The following LRRC4C variants were observed in gnomAD, a reference collection of about 807,000 sequenced individuals.
LRRC4C encodes the protein leucine-rich repeat-containing protein 4C.
In LRRC4C, 5 loss-of-function variants were observed where a neutral mutation model predicts 33.6. The observed-to-expected ratio is 0.15, with a 90% CI of 0.08 to 0.31. The LOEUF is 0.31. Ranked by LOEUF, LRRC4C falls within the 10% of genes least tolerant of loss-of-function variation. The pLI, the probability that LRRC4C is intolerant of heterozygous loss-of-function variation, is 1.00. For synonymous variants in LRRC4C, 329 were observed against 302.0 expected, an observed-to-expected ratio of 1.09 and a Z score of -0.93; for missense variants, 560 against 796.7, an observed-to-expected ratio of 0.70 and a Z score of 3.58.
intron 2 of LRRC4C, among the ~76,000 whole-genome samples, chr11:40,859,657 T>C (rs1165630427): frequency 6.6e-6 from 1 of 152,172 alleles, no homozygotes; most frequent in Non-Finnish European, 1.5e-5. Flanking sequence ...CTCAAATGTT[T>C]CTAGCAGAAT....
intron 1 of LRRC4C, among the ~76,000 whole-genome samples, chr11:41,247,661 T>C (rs1171911561): frequency 6.6e-6 from 1 of 152,194 alleles, no homozygotes; most frequent in Non-Finnish European, 1.5e-5. Context: ...CACCATTATG[T>C]TCACTTTTTA....
chr11:41,261,700 T>C (rs953385011), intron 1 of LRRC4C, among the ~76,000 whole-genome samples: 1 of 152,160 alleles, frequency 6.6e-6, no homozygotes. Context: ...GCAGAGAGAT[T>C]AGACATCTTG....
intron 3 of LRRC4C, among the ~76,000 whole-genome samples, chr11:40,448,126 C>T (rs1345104562): frequency 6.6e-6 from 1 of 152,170 alleles, no homozygotes; most frequent in African/African-American, 2.4e-5. Flanking sequence ...ATTCTGGATG[C>T]TCCTGCTAAG....
intron 1 of LRRC4C, among the ~76,000 whole-genome samples, chr11:41,112,721 A>G (rs1484075283): frequency 1.3e-5 from 2 of 152,110 alleles, no homozygotes; most frequent in African/African-American, 4.8e-5. Context: ...TTATTCAAGG[A>G]TTATACCTAA....
intron 3 of LRRC4C, among the ~76,000 whole-genome samples, chr11:40,414,992 A>G (rs1950274365): frequency 6.6e-6 from 1 of 152,192 alleles, no homozygotes; most frequent in Non-Finnish European, 1.5e-5. Flanking sequence ...CATGAATTTC[A>G]AGACACTTTT....
chr11:40,964,903 G>A (rs1184661428), intron 1 of LRRC4C, among the ~76,000 whole-genome samples: 2 of 152,092 alleles, frequency 1.3e-5, no homozygotes, highest in Non-Finnish European at 2.9e-5. Flanking sequence ...GGATGGCTGG[G>A]TCAAATGGTA....
chr11:40,733,194 GCCTCCC>G (rs1947692235), intron 2 of LRRC4C, among the ~76,000 whole-genome samples: 4 of 137,154 alleles, frequency 2.9e-5, no homozygotes, highest in Admixed American at 1.7e-4. Context: ...TCCTGCCTCA[GCCTCCC>G]GAGTAGCTGG....
intron 2 of LRRC4C, among the ~76,000 whole-genome samples, chr11:40,651,333 C>T (rs540435231): frequency 2.7e-5 from 4 of 145,876 alleles, no homozygotes; most frequent in Non-Finnish European, 4.5e-5. Context: ...CATAGTAGAA[C>T]TAATTAAAAA....
At chr11:40,700,077 G>A (rs1032861893) in intron 2 of LRRC4C, among the ~76,000 whole-genome samples, 1 of 152,044 alleles carries the variant, frequency 6.6e-6, no homozygotes, top group African/African-American at 2.4e-5. Context: ...TTAAGGGGAG[G>A]GGGACTTTTG....
intron 2 of LRRC4C, among the ~76,000 whole-genome samples, chr11:40,886,346 G>A (rs1260973679): frequency 6.6e-6 from 1 of 150,704 alleles, no homozygotes; most frequent in African/African-American, 2.4e-5. Context: ...GCCAGTAGGA[G>A]TTATTTTCAA....
chr11:40,696,085 A>G (rs866593721), intron 2 of LRRC4C, among the ~76,000 whole-genome samples: 1 of 111,030 alleles, frequency 9.0e-6, no homozygotes, highest in South Asian at 3.0e-4. Flanking sequence ...ATATATATAT[A>G]TGAGTGTGTG....
chr11:41,346,982 A>G (rs1468679523), intron 1 of LRRC4C, among the ~76,000 whole-genome samples: 2 of 152,230 alleles, frequency 1.3e-5, no homozygotes, highest in Non-Finnish European at 2.9e-5. Flanking sequence ...AATGCAGATG[A>G]TTCTATTCTT....
At chr11:40,285,879 T>G (rs1943800688) in intron 4 of LRRC4C, among the ~76,000 whole-genome samples, 1 of 152,148 alleles carries the variant, frequency 6.6e-6, no homozygotes, top group Non-Finnish European at 1.5e-5. Flanking sequence ...AGATACGCAG[T>G]TCCTATTCCC....
chr11:40,448,395 C>G (rs1565398562), intron 3 of LRRC4C, among the ~76,000 whole-genome samples: 2 of 152,030 alleles, frequency 1.3e-5, no homozygotes, highest in Admixed American at 6.5e-5. Flanking sequence ...ATGCTACCCT[C>G]CCCTAGCTCC....
chr11:41,017,705 G>T (rs867316899), intron 1 of LRRC4C, among the ~76,000 whole-genome samples: 1 of 151,244 alleles, frequency 6.6e-6, no homozygotes, highest in African/African-American at 2.4e-5. Context: ...GGAAAGAAAA[G>T]CTGGGAGACA....
At chr11:40,150,925 T>G (rs1352362666) in intron 5 of LRRC4C, among the ~76,000 whole-genome samples, 1 of 151,726 alleles carries the variant, frequency 6.6e-6, no homozygotes, top group Non-Finnish European at 1.5e-5. Flanking sequence ...CATATGGGGG[T>G]GGTGGTGAGA....
intron 5 of LRRC4C, among the ~76,000 whole-genome samples, chr11:40,178,753 G>A (rs1025221303): frequency 6.6e-6 from 1 of 152,166 alleles, no homozygotes; most frequent in Non-Finnish European, 1.5e-5. Context: ...ATATTCCTCT[G>A]GTTTCCTCGC....
At chr11:41,069,186 A>G (rs187503031) in intron 1 of LRRC4C, among the ~76,000 whole-genome samples, 11 of 152,338 alleles carry the variant, frequency 7.2e-5, no homozygotes, top group African/African-American at 2.6e-4. Flanking sequence ...TTATTCTAAT[A>G]GAGACAGAAA....
intron 1 of LRRC4C, among the ~76,000 whole-genome samples, chr11:41,393,941 G>A (rs1953704329): frequency 6.6e-6 from 1 of 151,864 alleles, no homozygotes; most frequent in Admixed American, 6.6e-5. Flanking sequence ...GCTACCTTTA[G>A]CCCAGTGATA....
Sources: allele counts gnomAD v4.1 joint callset (sites outside exome capture counted in the v4.1 genomes callset), GRCh38; gene constraint gnomAD v4.1.1; transcripts MANE v1.5; gene names NCBI Gene and HGNC (gene_info 2026-07-23, HGNC 2026-07-21).